ABR: variants seen among roughly 807,000 people sequenced by gnomAD.
ABR encodes the protein active breakpoint cluster region-related protein.
Under a neutral mutation model 107.2 loss-of-function variants are expected in ABR, and 35 were observed. The observed-to-expected ratio is 0.33, with a 90% CI of 0.25 to 0.43. ABR has a LOEUF of 0.43. Among genes scored for constraint, ABR ranks in the 20% least tolerant of loss-of-function variants. The pLI is 1.00. For synonymous variants in ABR, 498 were observed against 462.0 expected (o/e 1.08, Z -1.00); for missense variants, 815 against 1,115.2 (o/e 0.73, Z 3.83).
chr17:1,198,184 C>G (rs1477175728), intron 1 of ABR, among the ~76,000 whole-genome samples: 4 of 151,622 alleles, frequency 2.6e-5, no homozygotes, highest in African/African-American at 9.8e-5. Context: ...GTCTGCTCCC[C>G]CTCCCAGAGG....
chr17:1,196,152 A>C (rs1247248331), intron 1 of ABR, among the ~76,000 whole-genome samples: 1 of 143,544 alleles, frequency 7.0e-6, no homozygotes, highest in Admixed American at 7.0e-5. Context: ...AAAATAGGCA[A>C]GGTGCGGTGG....
Position 1,179,749 on chromosome 17 carries a change from G to T in ABR, c.-22C>A. On this transcript the variant is annotated 5_prime_UTR_variant, in exon 1 of 23. In the 5' UTR this introduces an upstream ATG that the reference lacks. Coordinates refer to ENST00000302538, the MANE Select transcript of ABR (RefSeq NM_021962.5). This position sits in a 1 kb window ranked among gnomAD's most constrained non-coding sequence, Gnocchi z 4.9. ...CCATCCCGCGGCGGCGGCTCGGTCA[G>T]ATCCGAAACCCGACCCTCATCGCGC... 7.2e-7 allele frequency: 1 copy of T among 1,389,526 alleles called. No individual in the cohort carries two copies. The highest frequency in any genetic ancestry group is 2.9e-5 in the East Asian group (1 of 34,308). 86.1% of individuals were successfully genotyped at this position (1,389,526 alleles called of 1,614,324 possible). A position where few individuals can be genotyped will look rare whatever the true frequency, so the allele number is the denominator to read the frequency against.
At chr17:1,229,106 G>T (rs1202635865) in exon 1 of ABR, 1 of 151,638 alleles carries the variant, frequency 6.6e-6, no homozygotes. Context: ...CCACCAGCCA[G>T]TGGCTGAGGA....
intron 1 of ABR, among the ~76,000 whole-genome samples, chr17:1,201,952 C>G (rs922787929): frequency 1.3e-5 from 2 of 152,198 alleles, no homozygotes; most frequent in Non-Finnish European, 2.9e-5. Flanking sequence ...GCTGGGATTA[C>G]AGGCGTGAGC....
chr17:1,037,038 C>T lies in ABR; in HGVS notation c.1791+13012G>A, dbSNP rs77280875. On this transcript the variant is annotated intron_variant, in intron 16 of 22. Coordinates refer to ENST00000302538, the MANE Select transcript of ABR (RefSeq NM_021962.5). This position sits in a 1 kb window ranked among gnomAD's most constrained non-coding sequence, Gnocchi z 4.6. ...ATCCTTCCTTCCTTCCATCCATCCACCCATCCATCCATCCATCCACCCATC... is the reference window on the plus strand; with the variant it reads ...ATCCTTCCTTCCTTCCATCCATCCATCCATCCATCCATCCATCCACCCATC... Among the ~76,000 whole-genome samples, 14 of 134,186 alleles carry T rather than the reference C, an allele frequency of 1.0e-4. No individual in the cohort carries two copies. Among genetic ancestry groups the T allele is most frequent in the Non-Finnish European group, 3.2e-5 (2 of 62,590 alleles). 88.0% of individuals were successfully genotyped at this position (134,186 alleles called of 152,430 possible).
At chr17:1,141,743 G>A (rs2040294031) in intron 1 of ABR, among the ~76,000 whole-genome samples, 1 of 151,698 alleles carries the variant, frequency 6.6e-6, no homozygotes, top group South Asian at 2.1e-4. Context: ...ACAGGCTGGT[G>A]GACTAGTTAC....
chr17:1,147,114 T>G lies in ABR; in HGVS notation c.62-21747A>C, dbSNP rs957883506. The stretch of plus-strand genomic sequence containing the variant: ...GTGCTCAGTCCTGGCTAACAAACTG[T>G]AAGTGGACATGACAAGTATCATTTC... On this transcript the variant is annotated intron_variant, in intron 1 of 22. Coordinates refer to ENST00000302538, the MANE Select transcript of ABR (RefSeq NM_021962.5). 4.1e-4 allele frequency among the ~76,000 whole-genome samples: 62 copies of G among 152,232 alleles called. 1 individual carries two copies. Among genetic ancestry groups the G allele is most frequent in the Non-Finnish European group, 8.2e-4 (56 of 68,036 alleles).
At chr17:1,029,345 G>A (rs1251635407) in intron 16 of ABR, among the ~76,000 whole-genome samples, 1 of 152,086 alleles carries the variant, frequency 6.6e-6, no homozygotes, top group Non-Finnish European at 1.5e-5. Flanking sequence ...CTCCGTGAGT[G>A]TCCCTGCCTC....
Position 1,072,757 on chromosome 17 carries a change from G to A in ABR, c.754-3C>T, listed in dbSNP as rs2035345154. ...ACAGGTGTGTGCTTCAGCAGGTCCT[G>A]GGAAGGGTGAGGCGGTGAGTTGAGG... On this transcript the variant is annotated splice_region_variant and splice_polypyrimidine_tract_variant and intron_variant, in intron 7 of 22. Transcript: ENST00000302538. The A allele has an allele frequency of 1.2e-6, 2 of 1,612,460 alleles. No homozygotes were observed. Among genetic ancestry groups the A allele is most frequent in the South Asian group, 2.2e-5 (2 of 90,934 alleles).
At chr17:1,041,275 A>G (rs536764790) in intron 16 of ABR, among the ~76,000 whole-genome samples, 1 of 152,290 alleles carries the variant, frequency 6.6e-6, no homozygotes, top group South Asian at 2.1e-4. Flanking sequence ...TTGTACCCAC[A>G]GCCCAGGGCC....
intron 5 of ABR, among the ~76,000 whole-genome samples, chr17:1,080,310 G>A (rs1414891287): frequency 1.3e-5 from 2 of 152,126 alleles, no homozygotes; most frequent in African/African-American, 2.4e-5. Context: ...TGCCCCTCCT[G>A]GATCCCAAGC....
At chr17:1,008,771 C>T (rs368847584) in intron 21 of ABR, among the ~76,000 whole-genome samples, 14 of 152,236 alleles carry the variant, frequency 9.2e-5, no homozygotes, top group East Asian at 3.8e-4. Flanking sequence ...GGGGGCTCCC[C>T]GGTCCTGGCG....
chr17:1,215,771 T>G (rs1415130023), intron 1 of ABR, among the ~76,000 whole-genome samples: 2 of 152,114 alleles, frequency 1.3e-5, no homozygotes, highest in African/African-American at 2.4e-5. Flanking sequence ...GAAATCGGAT[T>G]GTTGCTGTGT....
At chr17:1,031,851 T>TGCCCGG in intron 16 of ABR, 1 of 1,096,324 alleles carries the variant, frequency 9.1e-7, no homozygotes, top group Non-Finnish European at 1.1e-6. Context: ...CGCGCTCGCC[T>TGCCCGG]CCCTCCCTCC....
chr17:1,129,895 T>TGA (rs2039752569), intron 1 of ABR, among the ~76,000 whole-genome samples: 1 of 152,220 alleles, frequency 6.6e-6, no homozygotes, highest in South Asian at 2.1e-4. Context: ...TGTGATGAGC[T>TGA]GAGATTGCAC....
chr17:1,088,452 TTAATAATAATAATAATAA>T (rs60961802), intron 4 of ABR, among the ~76,000 whole-genome samples: 5 of 143,516 alleles, frequency 3.5e-5, no homozygotes, highest in East Asian at 2.1e-4. Context: ...TCTTCCCAAT[TTAATAATAATAATAATAA>T]TAATAATAAT....
chr17:1,135,580 A>G (rs1234210176), intron 1 of ABR, among the ~76,000 whole-genome samples: 1 of 151,972 alleles, frequency 6.6e-6, no homozygotes, highest in Non-Finnish European at 1.5e-5. Flanking sequence ...AGCTGCATCA[A>G]AAGTCTTCAG....
intron 1 of ABR, among the ~76,000 whole-genome samples, chr17:1,135,057 C>T (rs1321059448): frequency 6.6e-6 from 1 of 152,170 alleles, no homozygotes; most frequent in Non-Finnish European, 1.5e-5. Flanking sequence ...TGTGTGGGTG[C>T]CTGCCAGGCG....
At chr17:1,116,753 G>A (rs960325670) in intron 2 of ABR, among the ~76,000 whole-genome samples, 1 of 152,152 alleles carries the variant, frequency 6.6e-6, no homozygotes, top group Non-Finnish European at 1.5e-5. Flanking sequence ...CAGCCCCATG[G>A]CTGGAGGACT....
Sources: allele counts gnomAD v4.1 joint callset (sites outside exome capture counted in the v4.1 genomes callset), GRCh38; gene constraint gnomAD v4.1.1; non-coding constraint Gnocchi (gnomAD v3.1); transcripts MANE v1.5; gene names NCBI Gene and HGNC (gene_info 2026-07-23, HGNC 2026-07-21).